RBM20: variants seen among roughly 807,000 people sequenced by gnomAD.
RBM20 encodes RNA-binding protein 20.
A neutral mutation model predicts 110.1 loss-of-function variants in RBM20; 51 were observed. The ratio of observed to expected loss-of-function variants is 0.46; its 90% confidence interval spans 0.37 to 0.59. The LOEUF (loss-of-function observed/expected upper bound fraction) is 0.59, where lower values mean the gene tolerates loss of function less well. Ranked by LOEUF, RBM20 falls within the 20% of genes least tolerant of loss-of-function variation. The pLI is 0.00. For synonymous variants in RBM20, 589 were observed against 618.2 expected, an observed-to-expected ratio of 0.95 and a Z score of 0.70; for missense variants, 1,512 against 1,574.9, an observed-to-expected ratio of 0.96 and a Z score of 0.68.
chr10:110,706,961 C>G (rs948972938), intron 1 of RBM20, among the ~76,000 whole-genome samples: 4 of 152,136 alleles, frequency 2.6e-5, no homozygotes, highest in African/African-American at 9.7e-5. Flanking sequence ...TGACATAGCT[C>G]ATGTTGAACG....
chr10:110,685,198 C>T (rs371922964), intron 1 of RBM20, among the ~76,000 whole-genome samples: 12 of 152,140 alleles, frequency 7.9e-5, no homozygotes, highest in East Asian at 3.8e-4. Context: ...CTTGGCGGGC[C>T]TGTCAAAAAG....
chr10:110,715,002 C>T (rs1406859998), intron 1 of RBM20, among the ~76,000 whole-genome samples: 2 of 152,204 alleles, frequency 1.3e-5, no homozygotes, highest in Admixed American at 6.5e-5. Context: ...AATCCCAGCA[C>T]TTTGGGAGGT....
chr10:110,803,601 A>T (rs1054985989), intron 7 of RBM20, among the ~76,000 whole-genome samples: 1 of 151,992 alleles, frequency 6.6e-6, no homozygotes, highest in Non-Finnish European at 1.5e-5. Flanking sequence ...TTATTTTCTG[A>T]TCTTTAGCAG....
chr10:110,662,060 C>T (rs1348202098), intron 1 of RBM20, among the ~76,000 whole-genome samples: 2 of 151,636 alleles, frequency 1.3e-5, no homozygotes, highest in Non-Finnish European at 2.9e-5. Context: ...TATATGCTGT[C>T]TAATCCCAGC....
chr10:110,807,474 C>T (rs1844708893), intron 7 of RBM20, among the ~76,000 whole-genome samples: 1 of 152,268 alleles, frequency 6.6e-6, no homozygotes, highest in Non-Finnish European at 1.5e-5. Context: ...CTGCCCCTCA[C>T]TGGGGGCACC....
At chr10:110,770,764 T>G (rs1297785759) in intron 1 of RBM20, among the ~76,000 whole-genome samples, 1 of 152,246 alleles carries the variant, frequency 6.6e-6, no homozygotes, top group East Asian at 1.9e-4. Flanking sequence ...TGATGTAAAC[T>G]GCTGAAAAGA....
At chr10:110,752,315 GC>G (rs1274544195) in intron 1 of RBM20, among the ~76,000 whole-genome samples, 1 of 152,082 alleles carries the variant, frequency 6.6e-6, no homozygotes, top group Non-Finnish European at 1.5e-5. Context: ...TTTCAGACTG[GC>G]CTCTTTCACC....
intron 1 of RBM20, among the ~76,000 whole-genome samples, chr10:110,768,665 A>G (rs1844143134): frequency 6.6e-6 from 1 of 152,184 alleles, no homozygotes; most frequent in Non-Finnish European, 1.5e-5. Context: ...CAGTGCCTCT[A>G]ATTTGCCCAG....
intron 1 of RBM20, among the ~76,000 whole-genome samples, chr10:110,658,080 A>G (rs962189805): frequency 1.3e-5 from 2 of 152,164 alleles, no homozygotes; most frequent in African/African-American, 2.4e-5. Flanking sequence ...GCAAGTAATT[A>G]TGACCATGGA....
intron 8 of RBM20, among the ~76,000 whole-genome samples, chr10:110,811,539 G>A (rs1252215366): frequency 6.6e-6 from 1 of 152,060 alleles, no homozygotes; most frequent in African/African-American, 2.4e-5. Flanking sequence ...GCAATTCTGC[G>A]GCAGAGTGGA....
intron 1 of RBM20, among the ~76,000 whole-genome samples, chr10:110,690,912 A>G (rs1035610423): frequency 2.0e-5 from 3 of 152,192 alleles, no homozygotes; most frequent in Non-Finnish European, 4.4e-5. Flanking sequence ...ACCTGAGTCA[A>G]TACTTTTGGG....
intron 1 of RBM20, among the ~76,000 whole-genome samples, chr10:110,695,086 A>AT (rs1440779681): frequency 1.3e-5 from 2 of 152,134 alleles, no homozygotes; most frequent in Admixed American, 6.6e-5. Context: ...CACAGGATTG[A>AT]TTTTTGTTAC....
chr10:110,666,509 G>T (rs10787262), intron 1 of RBM20, among the ~76,000 whole-genome samples: 79,500 of 151,998 alleles, frequency 0.52, 21,040 homozygotes, highest in East Asian at 0.71. Context: ...AGCTGGCTGT[G>T]GTGGTACATG....
intron 1 of RBM20, among the ~76,000 whole-genome samples, chr10:110,729,796 A>G (rs1843601397): frequency 6.6e-6 from 1 of 152,150 alleles, no homozygotes. Context: ...TCTGTCAGGA[A>G]CATTAATGTC....
chr10:110,688,280 G>T (rs1862535207), intron 1 of RBM20, among the ~76,000 whole-genome samples: 2 of 152,144 alleles, frequency 1.3e-5, no homozygotes, highest in South Asian at 4.1e-4. Context: ...GAGGCTGTTT[G>T]CAGTCTTTAT....
At chr10:110,732,103 G>A (rs1187386751) in intron 1 of RBM20, among the ~76,000 whole-genome samples, 1 of 152,004 alleles carries the variant, frequency 6.6e-6, no homozygotes, top group Admixed American at 6.6e-5. Flanking sequence ...TTCTGATAGT[G>A]ACATTTTTCC....
chr10:110,730,974 A>G (rs1843615389), intron 1 of RBM20, among the ~76,000 whole-genome samples: 1 of 152,220 alleles, frequency 6.6e-6, no homozygotes, highest in Non-Finnish European at 1.5e-5. Context: ...GCCCCATTAG[A>G]AACCAGTGGG....
At chr10:110,791,727 G>A (rs539060885) in intron 5 of RBM20, among the ~76,000 whole-genome samples, 18 of 152,292 alleles carry the variant, frequency 1.2e-4, no homozygotes, top group African/African-American at 4.3e-4. Flanking sequence ...CCAGGCCCCC[G>A]ATCCCATGTG....
At chr10:110,741,361 C>G (rs1843723597) in intron 1 of RBM20, among the ~76,000 whole-genome samples, 1 of 152,192 alleles carries the variant, frequency 6.6e-6, no homozygotes, top group Non-Finnish European at 1.5e-5. Context: ...TTCCTGAGCT[C>G]CAGATGTCAG....
Sources: allele counts gnomAD v4.1 joint callset (sites outside exome capture counted in the v4.1 genomes callset), GRCh38; gene constraint gnomAD v4.1.1; transcripts MANE v1.5; gene names NCBI Gene and HGNC (gene_info 2026-07-23, HGNC 2026-07-21).